Variants in DNAJB6 observed in about 807,000 individuals in gnomAD.
DNAJB6 encodes dnaJ homolog subfamily B member 6.
Under a neutral mutation model 42.7 loss-of-function variants are expected in DNAJB6, and 16 were observed. The observed-to-expected ratio is 0.37, with a 90% CI of 0.25 to 0.57. DNAJB6 has a LOEUF of 0.57. Among genes scored for constraint, DNAJB6 ranks in the 20% least tolerant of loss-of-function variants. The probability of loss-of-function intolerance (pLI) is 0.74; values close to 1 mark genes in which losing one functional copy is unlikely to be tolerated. For synonymous variants in DNAJB6, 170 were observed against 163.5 expected, an observed-to-expected ratio of 1.04 and a Z score of -0.30; for missense variants, 347 against 416.8, an observed-to-expected ratio of 0.83 and a Z score of 1.46.
At chr7:157,381,446 T>G (rs1800764051) in intron 5 of DNAJB6, 1 of 152,190 alleles carries the variant, frequency 6.6e-6, no homozygotes, top group South Asian at 2.1e-4. Context: ...TTTATGAATT[T>G]TTAGTAAGTA....
intron 5 of DNAJB6, among the ~76,000 whole-genome samples, chr7:157,373,464 C>T (rs563030995): frequency 6.6e-6 from 1 of 152,296 alleles, no homozygotes; most frequent in Admixed American, 6.5e-5. Flanking sequence ...GATTCTCTTG[C>T]CTCAGCCTCC....
rs13309999 is a variant in DNAJB6 at position 157,357,252 on chromosome 7, T to G, written c.-26-1295T>G. On this transcript the variant is annotated intron_variant, in intron 1 of 9. Coordinates refer to ENST00000262177, the MANE Select transcript of DNAJB6 (RefSeq NM_058246.4). ...CTTCCTTCCTTCCTTCCTTCCTTCC[T>G]TCCTTCCTTCCGTCCTTCCTTCCGT... Among the ~76,000 whole-genome samples the G allele has an allele frequency of 4.5e-3, 297 of 65,962 alleles. 6 individuals are homozygous for G. The highest frequency in any genetic ancestry group is 0.016 in the Middle Eastern group (2 of 126). The allele number at this position is 65,962 out of a possible 152,430, so 43.3% of individuals were successfully genotyped here.
chr7:157,360,962 T>C (rs1339778318), intron 2 of DNAJB6, among the ~76,000 whole-genome samples: 1 of 152,218 alleles, frequency 6.6e-6, no homozygotes, highest in African/African-American at 2.4e-5. Context: ...GATTTTTAAA[T>C]ATTTTAGTAG....
chr7:157,342,059 GT>G (rs1223457705), intron 1 of DNAJB6, among the ~76,000 whole-genome samples: 1 of 152,130 alleles, frequency 6.6e-6, no homozygotes, highest in Non-Finnish European at 1.5e-5. Flanking sequence ...TAGAGAGTGG[GT>G]TTTGCCATGT....
intron 3 of DNAJB6, 146 bp from the exon 4 acceptor site, chr7:157,366,356 T>G: frequency 4.4e-6 from 3 of 686,592 alleles, no homozygotes; most frequent in Non-Finnish European, 7.5e-6. Context: ...TGTTGCTTTG[T>G]TTTGTTTTAA....
intron 5 of DNAJB6, chr7:157,378,360 T>A (rs1006970390): frequency 1.3e-5 from 2 of 152,226 alleles, no homozygotes; most frequent in Admixed American, 6.5e-5. Flanking sequence ...TAATACATGC[T>A]GGGTTTAAGA....
chr7:157,377,336 G>A (rs1800524106), intron 5 of DNAJB6, among the ~76,000 whole-genome samples: 1 of 152,140 alleles, frequency 6.6e-6, no homozygotes, highest in Non-Finnish European at 1.5e-5. Context: ...TAAAAAATCA[G>A]AACTCAGTCC....
At chr7:157,352,500 TG>T (rs1799042305) in intron 1 of DNAJB6, among the ~76,000 whole-genome samples, 1 of 150,680 alleles carries the variant, frequency 6.6e-6, no homozygotes. Flanking sequence ...AAGATGGGGG[TG>T]GGGGTGATTT....
At chr7:157,409,039 T>C (rs7778016) in intron 8 of DNAJB6, among the ~76,000 whole-genome samples, 102,373 of 152,198 alleles carry the variant, frequency 0.67, 34,586 homozygotes, top group Admixed American at 0.75. Context: ...ATCCACGCAG[T>C]GATTGCCACT....
intron 8 of DNAJB6, among the ~76,000 whole-genome samples, chr7:157,403,692 A>G (rs1795626769): frequency 6.6e-6 from 1 of 152,134 alleles, no homozygotes; most frequent in Non-Finnish European, 1.5e-5. Flanking sequence ...TGCAGTTCCC[A>G]GCTTGCTCTC....
intron 1 of DNAJB6, among the ~76,000 whole-genome samples, chr7:157,346,172 C>G (rs1398491966): frequency 6.6e-6 from 1 of 151,914 alleles, no homozygotes; most frequent in Admixed American, 6.6e-5. Context: ...CAGGGCCAAC[C>G]TTAGGGAGAT....
At chr7:157,404,495 G>T (rs1584946878) in intron 8 of DNAJB6, among the ~76,000 whole-genome samples, 1 of 147,974 alleles carries the variant, frequency 6.8e-6, no homozygotes, top group Non-Finnish European at 1.5e-5. Context: ...TGATAGAGAT[G>T]GGGTCTGTCT....
intron 2 of DNAJB6, among the ~76,000 whole-genome samples, chr7:157,359,862 T>C (rs965356120): frequency 3.9e-5 from 6 of 152,152 alleles, no homozygotes; most frequent in Non-Finnish European, 5.9e-5. Context: ...TGAAGGTTAT[T>C]TGAAACCTCT....
At chr7:157,398,259 TTGAA>T (rs1357336810) in intron 8 of DNAJB6, among the ~76,000 whole-genome samples, 2 of 152,252 alleles carry the variant, frequency 1.3e-5, no homozygotes, top group Non-Finnish European at 2.9e-5. Context: ...CATTAAATGT[TTGAA>T]TGAGCCCATC....
At chr7:157,338,636 C>T (rs1238400201) in intron 1 of DNAJB6, among the ~76,000 whole-genome samples, 6 of 152,212 alleles carry the variant, frequency 3.9e-5, no homozygotes, top group African/African-American at 1.2e-4. Context: ...GCCTCGCCGA[C>T]TCCAGACTTG....
chr7:157,347,908 G>A (rs1798769600), intron 1 of DNAJB6, among the ~76,000 whole-genome samples: 1 of 152,004 alleles, frequency 6.6e-6, no homozygotes. Context: ...CGATTCTTCT[G>A]CCTCAGCCTC....
intron 2 of DNAJB6, among the ~76,000 whole-genome samples, chr7:157,361,444 A>G (rs1421008918): frequency 6.6e-6 from 1 of 152,176 alleles, no homozygotes; most frequent in Non-Finnish European, 1.5e-5. Flanking sequence ...GGCATGAGCC[A>G]CTGCGCCCGG....
At chr7:157,340,740 G>A (rs914407730) in intron 1 of DNAJB6, among the ~76,000 whole-genome samples, 3 of 151,790 alleles carry the variant, frequency 2.0e-5, no homozygotes, top group African/African-American at 4.8e-5. Flanking sequence ...GCAGTGGCGC[G>A]GTCTTGGCTC....
intron 8 of DNAJB6, among the ~76,000 whole-genome samples, chr7:157,393,917 A>G (rs533182657): frequency 6.6e-6 from 1 of 152,044 alleles, no homozygotes; most frequent in Non-Finnish European, 1.5e-5. Flanking sequence ...TTGCTAATTT[A>G]TGTGTTCACT....
Sources: allele counts gnomAD v4.1 joint callset (sites outside exome capture counted in the v4.1 genomes callset), GRCh38; gene constraint gnomAD v4.1.1; transcripts MANE v1.5; gene names NCBI Gene and HGNC (gene_info 2026-07-23, HGNC 2026-07-21).